Variants in RAPSN observed in about 807,000 individuals in gnomAD.
RAPSN encodes receptor associated protein of the synapse.
RAPSN carries 33 observed loss-of-function variants against 45.7 expected under a neutral mutation model. The ratio of observed to expected loss-of-function variants is 0.72; its 90% CI spans 0.55 to 0.97. The LOEUF (loss-of-function observed/expected upper bound fraction) is 0.97, where lower values mean the gene tolerates loss of function less well. RAPSN is among the 50% of genes least tolerant of loss of function. RAPSN has a pLI of 0.00. For synonymous variants in RAPSN, 244 were observed against 233.6 expected (o/e 1.04, Z -0.40); for missense variants, 519 against 559.4 (o/e 0.93, Z 0.73).
At chr11:47,447,715 A>T in intron 2 of RAPSN, 97 bp downstream of exon 2, 1 of 1,347,574 alleles carries the variant, frequency 7.4e-7, no homozygotes, top group Non-Finnish European at 1.0e-6. Context: ...GCCCTCCCTA[A>T]AAGGAGGGCT....
chr11:47,439,730 T>TTTTTG, intron 6 of RAPSN, among the ~76,000 whole-genome samples: 1 of 150,646 alleles, frequency 6.6e-6, no homozygotes. Flanking sequence ...TTTTTTTTTT[T>TTTTTG]TAGATGGAGT....
intron 2 of RAPSN, 108 bp from the exon 3 acceptor site, chr11:47,442,922 G>T: frequency 6.5e-7 from 1 of 1,550,304 alleles, no homozygotes; most frequent in South Asian, 1.1e-5. Flanking sequence ...CAGGGGGCCC[G>T]AGTGTCTGCT....
intron 1 of RAPSN, 37 bp downstream of exon 1, chr11:47,448,736 C>G (rs1333349758): frequency 1.2e-6 from 2 of 1,601,622 alleles, no homozygotes; most frequent in Admixed American, 1.7e-5. Flanking sequence ...CCGGCCCCAG[C>G]CTGACCCTCG....
Position 47,438,852 on chromosome 11 carries a change from ACGTGCGCCCGCAGTTCC to A in RAPSN, c.1029_1045del (p.Glu344CysfsTer127), listed in dbSNP as rs765096923. 3.8e-6 allele frequency: 6 copies of A among 1,570,712 alleles called. No individual in the cohort carries two copies. In the African/African-American group the frequency reaches 4.0e-5, roughly 11 times the overall value. ...CTCCACGCACTCGTGGAACCTCACA[ACGTGCGCCCGCAGTTCC>A]CGCTGCAGCCCTTTGCTGCGGTAAA... On this transcript the variant is annotated frameshift_variant, in exon 7 of 8. Coordinates refer to ENST00000298854, the MANE Select transcript of RAPSN (RefSeq NM_005055.5). LOFTEE classifies it high-confidence loss of function.
At position 47,442,758 on chromosome 11, in the gene RAPSN, A is replaced by ATAG. The variant is rs772549339; in HGVS notation, c.585_587dup (p.Tyr196dup). ...GGTACTTCAGGCTCCAGCCTTTGCC[A>ATAG]TAGTTGTTGACAAGCTCTGCCGCCT... On this transcript the variant is annotated inframe_insertion, in exon 3 of 8. Coordinates refer to ENST00000298854, the MANE Select transcript of RAPSN (RefSeq NM_005055.5). 9 of 1,614,102 alleles carry ATAG rather than the reference A, an allele frequency of 5.6e-6. No homozygotes were observed. Among genetic ancestry groups the ATAG allele is most frequent in the Non-Finnish European group, 1.7e-6 (2 of 1,180,050 alleles).
chr11:47,439,265 G>T (rs1026730426), intron 6 of RAPSN, among the ~76,000 whole-genome samples: 2 of 152,206 alleles, frequency 1.3e-5, no homozygotes, highest in Non-Finnish European at 2.9e-5. Flanking sequence ...CCTGAGGCCA[G>T]GAGTTCGAGA....
rs369823690 is a variant in RAPSN, at chr11:47,441,738, A to G, written c.790-5T>C. 3.8e-4 allele frequency: 617 copies of G among 1,606,354 alleles called. 1 individual carries two copies. Among genetic ancestry groups the G allele is most frequent in the Non-Finnish European group, 5.1e-4 (607 of 1,179,866 alleles). ...GTCGTACCTGGGGAAGGCTGTCTGC[A>G]GAGCCAGGTGGGGGATGGAATCAGG... is the stretch of plus-strand genomic sequence containing the variant. On this transcript the variant is annotated splice_region_variant and splice_polypyrimidine_tract_variant and intron_variant, in intron 4 of 7. Coordinates refer to ENST00000298854, the MANE Select transcript of RAPSN (RefSeq NM_005055.5).
intron 2 of RAPSN, among the ~76,000 whole-genome samples, chr11:47,446,741 C>T (rs1477087737): frequency 6.6e-6 from 1 of 152,150 alleles, no homozygotes; most frequent in Non-Finnish European, 1.5e-5. Context: ...CCCATTTCTA[C>T]TAAAAACACA....
At chr11:47,441,305 G>A in intron 5 of RAPSN, 93 bp from the exon 6 acceptor site, 1 of 1,508,426 alleles carries the variant, frequency 6.6e-7, no homozygotes, top group Non-Finnish European at 9.1e-7. Flanking sequence ...GGCCTAGGGA[G>A]GGTGACATGG....
chr11:47,439,030 C>CT, intron 6 of RAPSN, 99 bp from the exon 7 acceptor site: 1 of 1,347,340 alleles, frequency 7.4e-7, no homozygotes, highest in Non-Finnish European at 1.0e-6. Context: ...GCTGATGGAC[C>CT]TTGGAAAAAT....
At chr11:47,447,026 A>C (rs2076411985) in intron 2 of RAPSN, among the ~76,000 whole-genome samples, 1 of 152,054 alleles carries the variant, frequency 6.6e-6, no homozygotes, top group Non-Finnish European at 1.5e-5. Flanking sequence ...CACGCCTGGC[A>C]GCCATGCTGG....
intron 2 of RAPSN, among the ~76,000 whole-genome samples, chr11:47,444,888 A>G (rs750918714): frequency 1.4e-5 from 2 of 146,848 alleles, no homozygotes; most frequent in Non-Finnish European, 3.0e-5. Context: ...AAGTAAATAA[A>G]TGTCCCTAAC....
In RAPSN at chr11:47,441,159, C is replaced by T; in HGVS notation, c.966G>A (p.Lys322=). The change falls in exon 6 of 8, where the codon AAG becomes AAA. Residue 322 remains lysine (K), a splice_region_variant and synonymous_variant. Transcript: ENST00000298854. ...TCCAGGACACAGAATCAAGTCTGAC[C>T]TTGTTCCCCACCTCCTCGGCCAGAT... ...AQDLAEEVGN[K]LSQLKLHCLS... is the part of the protein sequence containing the mutation. 6.2e-7 allele frequency: 1 copy of T among 1,614,112 alleles called. No homozygotes were observed. The highest frequency in any genetic ancestry group is 8.5e-7 in the Non-Finnish European group (1 of 1,180,012).
chr11:47,448,907 T>C lies in RAPSN; in HGVS notation c.58A>G (p.Asn20Asp). The change falls in exon 1 of 8, where the codon AAC becomes GAC. Residue 20 changes from asparagine to aspartate, a missense_variant. Asn to Asp is a conservative substitution (Grantham distance 23, BLOSUM62 1). Coordinates refer to ENST00000298854, the MANE Select transcript of RAPSN (RefSeq NM_005055.5). Reference protein sequence around the residue: ...IEKGLQLYQSNQTEKALQVWT... With the variant: ...IEKGLQLYQSDQTEKALQVWT... ...ACCTGCAATGCCTTCTCTGTCTGGT[T>C]GGACTGGTACAGCTGGAGCCCCTTC... The C allele has an allele frequency of 3.7e-6, 6 of 1,614,244 alleles. No individual in the cohort carries two copies. Among genetic ancestry groups the C allele is most frequent in the Non-Finnish European group, 5.1e-6 (6 of 1,180,046 alleles).
In RAPSN at chr11:47,438,078, C is replaced by T. The variant is rs772794085; in HGVS notation, c.1167-31G>A. ...GAGGCAAAGGGCCCTGTCCACTCCC[C>T]TGAGGCCTGTCCTTCCCTCCGGGCC... On this transcript the variant is annotated intron_variant, in intron 7 of 7. Transcript: ENST00000298854. 2.4e-5 allele frequency: 37 copies of T among 1,549,142 alleles called. No individual in the cohort carries two copies. The South Asian group carries it at 4.3e-4, about 18-fold the overall frequency.
chr11:47,444,206 G>A (rs1311894103), intron 2 of RAPSN, among the ~76,000 whole-genome samples: 1 of 151,938 alleles, frequency 6.6e-6, no homozygotes, highest in East Asian at 1.9e-4. Context: ...ATGTTTTACA[G>A]ATTAAAAAAT....
intron 6 of RAPSN, among the ~76,000 whole-genome samples, chr11:47,439,731 T>TTTTC (rs55955416): frequency 6.7e-6 from 1 of 150,278 alleles, no homozygotes; most frequent in East Asian, 1.9e-4. Context: ...TTTTTTTTTT[T>TTTTC]AGATGGAGTC....
At position 47,449,132 on chromosome 11, in the gene RAPSN, G is replaced by A; in HGVS notation, c.-168C>T. ...TGGATGGAGAGCAGGCGCCACCCTGGGAACAAAGCTGGTTCAGCCCGTCTG... is the reference window on the plus strand; with the variant it reads ...TGGATGGAGAGCAGGCGCCACCCTGAGAACAAAGCTGGTTCAGCCCGTCTG... On this transcript the variant is annotated 5_prime_UTR_variant, in exon 1 of 8. Transcript: ENST00000298854. 1.3e-6 allele frequency: 1 copy of A among 789,124 alleles called. No homozygotes were observed. The highest frequency in any genetic ancestry group is 2.1e-6 in the Non-Finnish European group (1 of 472,394). The allele number at this position is 789,124 out of a possible 1,614,324, so 48.9% of individuals were successfully genotyped here.
chr11:47,438,511 C>T (rs529368873), intron 7 of RAPSN: 13 of 591,468 alleles, frequency 2.2e-5, no homozygotes, highest in Non-Finnish European at 3.3e-5. Flanking sequence ...TTAGTAGAGA[C>T]GGGGTTTCAC....
Sources: gnomAD v4.1 joint callset for allele counts (sites outside exome capture counted in the v4.1 genomes callset) on GRCh38, gnomAD v4.1.1 for gene constraint, MANE v1.5 for transcripts, NCBI Gene and HGNC (gene_info 2026-07-23, HGNC 2026-07-21) for gene names.